TMCC1: variants seen among roughly 807,000 people sequenced by gnomAD.
TMCC1 encodes transmembrane and coiled-coil domain family 1.
TMCC1 carries 15 observed loss-of-function variants against 52.4 expected under a neutral mutation model. The observed-to-expected ratio is 0.29, with a 90% CI of 0.19 to 0.44. TMCC1 has a LOEUF of 0.44. Among genes scored for constraint, TMCC1 ranks in the 20% least tolerant of loss-of-function variants. The pLI, the probability that TMCC1 is intolerant of heterozygous loss-of-function variation, is 1.00. For missense variants in TMCC1, 503 were observed against 806.0 expected, an observed-to-expected ratio of 0.62 and a Z score of 4.55; for synonymous variants, 279 against 301.9, an observed-to-expected ratio of 0.92 and a Z score of 0.79.
chr3:129,756,283 C>A (rs546919853), intron 4 of TMCC1, among the ~76,000 whole-genome samples: 1 of 152,206 alleles, frequency 6.6e-6, no homozygotes, highest in African/African-American at 2.4e-5. Context: ...ATACTGGAAG[C>A]AATCAAGATA....
chr3:129,674,248 G>A (rs374188760), intron 4 of TMCC1, among the ~76,000 whole-genome samples: 30 of 152,314 alleles, frequency 2.0e-4, no homozygotes, highest in African/African-American at 6.5e-4. Flanking sequence ...AAACTAGGCT[G>A]TCTTTAATCT....
chr3:129,885,789 T>C (rs190141566), intron 1 of TMCC1, among the ~76,000 whole-genome samples: 161 of 151,778 alleles, frequency 1.1e-3, no homozygotes, highest in African/African-American at 3.4e-3. Flanking sequence ...TGTCACCAGG[T>C]TGGAGTGCAG....
chr3:129,668,598 T>C lies in TMCC1; in HGVS notation c.1511+1732A>G, dbSNP rs764162082. ...CTGTTATATCACTTATTGAATAAGA[T>C]ACTGTCTTCTCAGTATACTTAAGAA... On this transcript the variant is annotated intron_variant, in intron 5 of 6. Transcript: ENST00000393238. Among the ~76,000 whole-genome samples the C allele has an allele frequency of 2.6e-5, 4 of 152,344 alleles. No individual in the cohort carries two copies. The South Asian group carries it at 8.3e-4, about 32-fold the overall frequency.
chr3:129,718,668 T>G (rs1329466967), intron 4 of TMCC1, among the ~76,000 whole-genome samples: 1 of 152,254 alleles, frequency 6.6e-6, no homozygotes, highest in African/African-American at 2.4e-5. Context: ...ATGATTTGTC[T>G]TGTAAACATA....
At chr3:129,881,910 G>A (rs556690535) in intron 1 of TMCC1, among the ~76,000 whole-genome samples, 2 of 152,284 alleles carry the variant, frequency 1.3e-5, no homozygotes, top group East Asian at 1.9e-4. Context: ...ACTGGAATCC[G>A]AGGAGCGATG....
chr3:129,850,277 G>T (rs1463288829), intron 2 of TMCC1, among the ~76,000 whole-genome samples: 1 of 152,144 alleles, frequency 6.6e-6, no homozygotes, highest in African/African-American at 2.4e-5. Context: ...AATTAGAAAA[G>T]AATCTTAGTT....
Position 129,819,840 on chromosome 3 carries a change from A to T in TMCC1, c.576+7963T>A, listed in dbSNP as rs187108311. ...CAAAGATTATCATGGCTTCTGAAGA[A>T]GATGACACAAAAACTCGTGAAACAC... On this transcript the variant is annotated intron_variant, in intron 4 of 6. Transcript: ENST00000393238. 287 of 152,264 alleles carry T rather than the reference A, an allele frequency of 1.9e-3. 3 individuals are homozygous for T. The highest frequency in any genetic ancestry group is 6.4e-3 in the African/African-American group (267 of 41,538). The allele number at this position is 152,264 out of a possible 1,614,324, so 9.4% of individuals were successfully genotyped here.
chr3:129,823,485 C>G (rs1307966930), intron 4 of TMCC1, among the ~76,000 whole-genome samples: 1 of 151,990 alleles, frequency 6.6e-6, no homozygotes, highest in Non-Finnish European at 1.5e-5. Context: ...AAAATCTAGC[C>G]TGCTCACATT....
At chr3:129,857,298 T>TTACA (rs2060185000) in intron 2 of TMCC1, 1 of 152,194 alleles carries the variant, frequency 6.6e-6, no homozygotes, top group Admixed American at 6.5e-5. Flanking sequence ...AAGAACCTCC[T>TTACA]TACATACAGC....
intron 4 of TMCC1, among the ~76,000 whole-genome samples, chr3:129,682,908 T>C (rs2089119872): frequency 1.3e-5 from 2 of 152,258 alleles, no homozygotes; most frequent in African/African-American, 4.8e-5. Context: ...CGATCTCGGC[T>C]CACCGCAATC....
chr3:129,835,899 TATAAG>T (rs1402916225), intron 2 of TMCC1, among the ~76,000 whole-genome samples: 1 of 152,056 alleles, frequency 6.6e-6, no homozygotes, highest in Non-Finnish European at 1.5e-5. Flanking sequence ...AGCAGCAAAA[TATAAG>T]ATGTCAAACA....
At chr3:129,733,965 G>A (rs944506432) in intron 4 of TMCC1, among the ~76,000 whole-genome samples, 3 of 152,134 alleles carry the variant, frequency 2.0e-5, no homozygotes, top group Admixed American at 1.3e-4. Flanking sequence ...ATAGGAATAA[G>A]TTAGCATAAT....
In TMCC1 at chr3:129,651,732, C is replaced by A. The variant is rs1560111716; in HGVS notation, c.1711G>T (p.Val571Leu). Residue 571 changes from valine to leucine, a missense_variant, in exon 7 of 7, where the codon GTG (valine) becomes TTG (leucine). Val to Leu is a conservative substitution (Grantham distance 32, BLOSUM62 1). This residue lies in a region of TMCC1 where 121 missense variants were observed against 193.6 expected (regional missense o/e 0.62). Coordinates refer to ENST00000393238, the MANE Select transcript of TMCC1 (RefSeq NM_001017395.5). This position sits in a 1 kb window ranked among gnomAD's most constrained non-coding sequence, Gnocchi z 5.1. ...KMELQQQQQQ[V>L]VQLEGLENAT... ...TTCTCCAGCCCTTCTAGCTGCACCA[C>A]CTGCTGCTGCTGCTGCTGCAGCTCC... 2 of 1,613,530 alleles carry A rather than the reference C, an allele frequency of 1.2e-6. No homozygotes were observed. The highest frequency in any genetic ancestry group is 4.5e-5 in the East Asian group (2 of 44,856).
intron 4 of TMCC1, among the ~76,000 whole-genome samples, chr3:129,771,205 C>T (rs186547343): frequency 1.7e-4 from 26 of 151,970 alleles, no homozygotes; most frequent in Admixed American, 1.5e-3. Context: ...TGGGGATGGG[C>T]TGGGAAGGGA....
At chr3:129,681,321 T>C (rs2088957920) in intron 4 of TMCC1, among the ~76,000 whole-genome samples, 1 of 152,186 alleles carries the variant, frequency 6.6e-6, no homozygotes. Flanking sequence ...TATAAAGCAG[T>C]AAATAATATA....
rs1431028782 is a variant in TMCC1 at position 129,649,107 on chromosome 3, A to C, written c.*2374T>G. ...CCCAGGGCAAATAGGAACAGTTTCA[A>C]TCCATCTATCAAAGTGACTTCCAGT... On this transcript the variant is annotated 3_prime_UTR_variant, in exon 7 of 7. Transcript: ENST00000393238. 1 of 152,186 alleles carries C rather than the reference A, an allele frequency of 6.6e-6. No homozygotes were observed. Among genetic ancestry groups the C allele is most frequent in the Non-Finnish European group, 1.5e-5 (1 of 68,032 alleles). The allele number at this position is 152,186 out of a possible 1,614,324, so 9.4% of individuals were successfully genotyped here. A position where few individuals can be genotyped will look rare whatever the true frequency, so the allele number is the denominator to read the frequency against.
chr3:129,742,726 T>C (rs796462671), intron 4 of TMCC1, among the ~76,000 whole-genome samples: 3 of 152,308 alleles, frequency 2.0e-5, no homozygotes, highest in African/African-American at 7.2e-5. Flanking sequence ...CACAGCAGCG[T>C]TATTCATACT....
At chr3:129,660,223 T>C (rs993375094) in intron 5 of TMCC1, among the ~76,000 whole-genome samples, 14 of 152,088 alleles carry the variant, frequency 9.2e-5, no homozygotes, top group Admixed American at 6.6e-4. Flanking sequence ...TCGTGGCTCA[T>C]TGTGGTCTCA....
Position 129,827,882 on chromosome 3 carries a change from G to A in TMCC1, c.497C>T (p.Ser166Phe). 1 of 1,614,138 alleles carries A rather than the reference G, an allele frequency of 6.2e-7. No homozygotes were observed. The highest frequency in any genetic ancestry group is 8.5e-7 in the Non-Finnish European group (1 of 1,180,012). Residue 166 changes from serine (S) to phenylalanine (F), a missense_variant, in exon 4 of 7, where the codon TCT becomes TTT. Physicochemically the swap from Ser to Phe is radical, Grantham distance 155 (BLOSUM62 -2). Coordinates refer to ENST00000393238, the MANE Select transcript of TMCC1 (RefSeq NM_001017395.5). ...SSSTTDAPTS[S>F]AMMEIACAAA... Reference sequence around the variant, plus strand: ...AGCACAAGCTATTTCCATCATAGCAGAGCTGGTAGGTGCATCAGTTGTGGA... The same window carrying A: ...AGCACAAGCTATTTCCATCATAGCAAAGCTGGTAGGTGCATCAGTTGTGGA...
Sources: gnomAD v4.1 joint callset for allele counts (sites outside exome capture counted in the v4.1 genomes callset) on GRCh38, gnomAD v4.1.1 for gene constraint, gnomAD v4.1.1 regional missense constraint, Gnocchi (gnomAD v3.1) non-coding constraint, MANE v1.5 for transcripts, NCBI Gene and HGNC (gene_info 2026-07-23, HGNC 2026-07-21) for gene names.